The following RAPH1 variants were observed in gnomAD, a reference collection of about 807,000 sequenced individuals.
RAPH1 encodes ras-associated and pleckstrin homology domains-containing protein 1.
A neutral mutation model predicts 88.1 loss-of-function variants in RAPH1; 18 were observed. The ratio of observed to expected loss-of-function variants is 0.20; its 90% CI spans 0.14 to 0.30. The LOEUF (loss-of-function observed/expected upper bound fraction) is 0.30. Ranked by LOEUF, RAPH1 falls within the 10% of genes least tolerant of loss-of-function variation. The pLI is 1.00. For missense variants in RAPH1, 1,448 were observed against 1,543.2 expected (o/e 0.94, Z 1.03); for synonymous variants, 587 against 559.0 (o/e 1.05, Z -0.71).
intron 12 of RAPH1, chr2:203,446,480 G>T (rs939801349): frequency 6.6e-6 from 1 of 152,168 alleles, no homozygotes; most frequent in African/African-American, 2.4e-5. Context: ...ACTAAGCACA[G>T]TCCACACTTG....
Position 203,437,839 on chromosome 2 carries a change from A to C in RAPH1, c.*1598T>G, listed in dbSNP as rs556924475. 4.8e-6 allele frequency: 1 copy of C among 207,854 alleles called. No homozygotes were observed. The highest frequency in any genetic ancestry group is 9.7e-6 in the Non-Finnish European group (1 of 102,988). 12.9% of individuals were successfully genotyped at this position (207,854 alleles called of 1,614,324 possible). A position where few individuals can be genotyped will look rare whatever the true frequency, so the allele number is the denominator to read the frequency against. Reference sequence around the variant, plus strand: ...ATTTCTGCAGTTTGCATTGGTAATCATTAACAATAGGCACAGACTTTCATT... The same window carrying C: ...ATTTCTGCAGTTTGCATTGGTAATCCTTAACAATAGGCACAGACTTTCATT... On this transcript the variant is annotated 3_prime_UTR_variant, in exon 14 of 14. Coordinates refer to ENST00000319170, the MANE Select transcript of RAPH1 (RefSeq NM_213589.3).
Position 203,447,990 on chromosome 2 carries a change from A to C in RAPH1, c.1602T>G (p.Ile534Met). 1.9e-6 allele frequency: 3 copies of C among 1,613,978 alleles called. No individual in the cohort carries two copies. The African/African-American group carries it at 4.0e-5, about 22-fold the overall frequency. ...YDWTSLSSSS[I>M]KSGSSSSSIP... ...TGCTGGAAGAACTGGATCCCGATTTAATGCTGGAGCTGGATAAGGAAGTCC... is the reference window on the plus strand; with the variant it reads ...TGCTGGAAGAACTGGATCCCGATTTCATGCTGGAGCTGGATAAGGAAGTCC... The change falls in exon 12 of 14, where the codon ATT (isoleucine) becomes ATG (methionine). Residue 534 changes from isoleucine (I) to methionine (M), a missense_variant. Coordinates refer to ENST00000319170, the MANE Select transcript of RAPH1 (RefSeq NM_213589.3).
intron 1 of RAPH1, among the ~76,000 whole-genome samples, chr2:203,500,784 T>C (rs540496656): frequency 1.3e-5 from 2 of 152,316 alleles, no homozygotes; most frequent in South Asian, 2.1e-4. Flanking sequence ...AAATAAGTAC[T>C]AGAATGAGTA....
At chr2:203,506,498 C>T (rs1395771911) in intron 1 of RAPH1, among the ~76,000 whole-genome samples, 3 of 149,836 alleles carry the variant, frequency 2.0e-5, no homozygotes, top group Non-Finnish European at 4.4e-5. Context: ...CCAGCCTGGG[C>T]AACAGAGCGA....
intron 1 of RAPH1, among the ~76,000 whole-genome samples, chr2:203,525,884 G>GCTGAAGCAACTGCA (rs1690093137): frequency 6.6e-6 from 1 of 152,166 alleles, no homozygotes; most frequent in Admixed American, 6.5e-5. Flanking sequence ...ACTTACCTGT[G>GCTGAAGCAACTGCA]CTGAAGCAAC....
At chr2:203,471,441 G>A (rs1275081467) in intron 4 of RAPH1, among the ~76,000 whole-genome samples, 4 of 152,006 alleles carry the variant, frequency 2.6e-5, no homozygotes, top group Non-Finnish European at 5.9e-5. Context: ...GTGAAACCCC[G>A]TTTCTACTAA....
intron 1 of RAPH1, among the ~76,000 whole-genome samples, chr2:203,534,377 A>AT (rs1690516538): frequency 1.3e-5 from 2 of 152,126 alleles, no homozygotes; most frequent in East Asian, 3.9e-4. Context: ...CTTGTAAGCA[A>AT]TAAGGTTTAT....
At chr2:203,532,820 G>A (rs1179442890) in intron 1 of RAPH1, among the ~76,000 whole-genome samples, 1 of 152,178 alleles carries the variant, frequency 6.6e-6, no homozygotes, top group South Asian at 2.1e-4. Flanking sequence ...GGAATTAAGA[G>A]TCCAAGATAA....
At chr2:203,492,159 G>T (rs1462013483) in intron 2 of RAPH1, among the ~76,000 whole-genome samples, 1 of 150,942 alleles carries the variant, frequency 6.6e-6, no homozygotes, top group Non-Finnish European at 1.5e-5. Context: ...GCTTAAGCCT[G>T]AGAGGCAGAG....
intron 1 of RAPH1, among the ~76,000 whole-genome samples, chr2:203,517,359 C>CAAAAAAAAAAAAAA (rs71408943): frequency 1.3e-3 from 43 of 32,110 alleles, no homozygotes; most frequent in African/African-American, 1.8e-3. Context: ...CTATGAGAGG[C>CAAAAAAAAAAAAAA]AAAAAAAAAA....
intron 9 of RAPH1, 39 bp from the exon 10 acceptor site, chr2:203,454,579 T>C (rs1312152305): frequency 2.8e-6 from 4 of 1,451,956 alleles, no homozygotes; most frequent in South Asian, 1.2e-5. Context: ...TTAATAATAA[T>C]GCACAAACAA....
At chr2:203,505,532 C>T (rs1688949863) in intron 1 of RAPH1, among the ~76,000 whole-genome samples, 1 of 152,052 alleles carries the variant, frequency 6.6e-6, no homozygotes, top group Non-Finnish European at 1.5e-5. Context: ...AACCATATCA[C>T]TAAAGTGGAA....
chr2:203,502,509 C>A (rs867420059), intron 1 of RAPH1, among the ~76,000 whole-genome samples: 6 of 152,244 alleles, frequency 3.9e-5, no homozygotes, highest in Middle Eastern at 3.4e-3. Context: ...AGTTATAAAT[C>A]AAATTCAAAG....
intron 1 of RAPH1, among the ~76,000 whole-genome samples, chr2:203,519,364 C>T (rs1028541576): frequency 1.3e-5 from 2 of 152,086 alleles, no homozygotes; most frequent in East Asian, 3.8e-4. Context: ...TTAATACAAT[C>T]CATTACATCA....
At chr2:203,503,541 T>C (rs1000151665) in intron 1 of RAPH1, among the ~76,000 whole-genome samples, 9 of 152,092 alleles carry the variant, frequency 5.9e-5, no homozygotes, top group Non-Finnish European at 7.4e-5. Context: ...CCACAACACA[T>C]AGGAATTCTG....
intron 1 of RAPH1, among the ~76,000 whole-genome samples, chr2:203,500,308 T>C (rs1688686048): frequency 6.6e-6 from 1 of 152,160 alleles, no homozygotes; most frequent in South Asian, 2.1e-4. Context: ...AAGGGTGTTT[T>C]AGGCAGAGGA....
intron 1 of RAPH1, among the ~76,000 whole-genome samples, chr2:203,518,439 A>T (rs1347934626): frequency 6.6e-6 from 1 of 151,530 alleles, no homozygotes; most frequent in African/African-American, 2.4e-5. Flanking sequence ...AATTGCTTGA[A>T]TGTAGGAGGT....
chr2:203,506,968 C>G (rs1346955909), intron 1 of RAPH1, among the ~76,000 whole-genome samples: 2 of 143,620 alleles, frequency 1.4e-5, no homozygotes, highest in Admixed American at 1.4e-4. Flanking sequence ...ACAATCTCAA[C>G]TCATTGCAAC....
chr2:203,509,760 A>G (rs1320298967), intron 1 of RAPH1, among the ~76,000 whole-genome samples: 2 of 152,134 alleles, frequency 1.3e-5, no homozygotes, highest in African/African-American at 4.8e-5. Flanking sequence ...TGATTGGATC[A>G]TGGAGGTGGT....
Sources: gnomAD v4.1 joint callset for allele counts (sites outside exome capture counted in the v4.1 genomes callset) on GRCh38, gnomAD v4.1.1 for gene constraint, MANE v1.5 for transcripts, NCBI Gene and HGNC (gene_info 2026-07-23, HGNC 2026-07-21) for gene names.